Variants in SORD observed in about 807,000 individuals in gnomAD.
SORD encodes sorbitol dehydrogenase.
SORD carries 18 observed loss-of-function variants against 35.6 expected under a neutral mutation model. The observed-to-expected ratio is 0.51, with a 90% CI of 0.35 to 0.75. The LOEUF is 0.75. SORD is among the 30% of genes least tolerant of loss of function. SORD has a pLI of 0.01. For missense variants in SORD, 250 were observed against 390.2 expected (o/e 0.64, Z 3.03); for synonymous variants, 106 against 152.9 (o/e 0.69, Z 2.26).
chr15:45,059,354 G>C (rs912050411), intron 3 of SORD, among the ~76,000 whole-genome samples: 27 of 150,242 alleles, frequency 1.8e-4, no homozygotes, highest in African/African-American at 6.6e-4. Context: ...AAAAACCAAA[G>C]AAACATGCAC....
intron 1 of SORD, chr15:45,036,369 T>G: frequency 2.2e-6 from 1 of 455,942 alleles, no homozygotes; most frequent in South Asian, 1.5e-5. Flanking sequence ...CTCAATTCCT[T>G]TTAGTCCTCT....
At chr15:45,056,129 G>C (rs1017382073) in intron 3 of SORD, among the ~76,000 whole-genome samples, 4 of 149,706 alleles carry the variant, frequency 2.7e-5, no homozygotes, top group Non-Finnish European at 4.5e-5. Context: ...AGTGTTGGAA[G>C]TTCTGGCCAG....
intron 3 of SORD, chr15:45,050,447 C>G (rs982702918): frequency 1.3e-5 from 2 of 152,224 alleles, no homozygotes; most frequent in Non-Finnish European, 2.9e-5. Flanking sequence ...GGGCAAATTC[C>G]TCTCTTCTTG....
rs373690421 is a variant in SORD, at chr15:45,068,188, C to T, written c.552C>T (p.Ile184=). 4.6e-5 allele frequency: 75 copies of T among 1,613,262 alleles called. 1 individual carries two copies. In the East Asian group the frequency reaches 9.1e-4, roughly 20 times the overall value. The change falls in exon 6 of 9, where the codon ATC becomes ATT. Residue 184 remains isoleucine, a synonymous_variant. Coordinates refer to ENST00000267814, the MANE Select transcript of SORD (RefSeq NM_003104.6). ...HKVLVCGAGP[I]GMVTLLVAKA... ...ATCTTCTGCTTTGTTTAGGGCCAAT[C>T]GGGATGGTCACTTTGCTCGTGGCCA...
At chr15:45,027,950 A>G (rs1351734587) in intron 1 of SORD, among the ~76,000 whole-genome samples, 1 of 152,260 alleles carries the variant, frequency 6.6e-6, no homozygotes, top group African/African-American at 2.4e-5. Context: ...ACTGTCCACA[A>G]TGAAGGGCCA....
rs138425657 is a variant in SORD, at chr15:45,052,943, T to C, written c.266-8124T>C. Among the ~76,000 whole-genome samples, 14 of 152,306 alleles carry C rather than the reference T, an allele frequency of 9.2e-5. No homozygotes were observed. In the East Asian group the frequency reaches 2.7e-3, roughly 29 times the overall value. On this transcript the variant is annotated intron_variant, in intron 3 of 8. Coordinates refer to ENST00000267814, the MANE Select transcript of SORD (RefSeq NM_003104.6). ...GCTTATAAAAATGTTGTAGGTCATC[T>C]TGGGGGGTCATCTCAAGTATTGAAC...
At chr15:45,060,350 A>C (rs1367491403) in intron 3 of SORD, among the ~76,000 whole-genome samples, 1 of 152,204 alleles carries the variant, frequency 6.6e-6, no homozygotes, top group African/African-American at 2.4e-5. Flanking sequence ...TCTTCATAAT[A>C]AAAAGATAGA....
At chr15:45,065,932 AC>A (rs1437537323) in intron 5 of SORD, among the ~76,000 whole-genome samples, 1 of 151,464 alleles carries the variant, frequency 6.6e-6, no homozygotes, top group South Asian at 2.1e-4. Context: ...AAAAAACAAG[AC>A]CCCATCTCAA....
At chr15:45,056,973 A>C (rs1893228189) in intron 3 of SORD, among the ~76,000 whole-genome samples, 1 of 152,108 alleles carries the variant, frequency 6.6e-6, no homozygotes, top group African/African-American at 2.4e-5. Context: ...TCTGTGGAAT[A>C]CTCAATCTCA....
intron 3 of SORD, among the ~76,000 whole-genome samples, chr15:45,051,069 A>G (rs1318559867): frequency 2.6e-5 from 4 of 152,234 alleles, no homozygotes; most frequent in Non-Finnish European, 5.9e-5. Flanking sequence ...GAGAGCACCT[A>G]TCAAAGTCCT....
intron 1 of SORD, among the ~76,000 whole-genome samples, chr15:45,032,154 G>T (rs1892797075): frequency 1.5e-5 from 2 of 134,590 alleles, no homozygotes; most frequent in Non-Finnish European, 3.2e-5. Context: ...TGCTGAGGGG[G>T]TAAAATGGGC....
At chr15:45,053,535 C>G (rs554166965) in intron 3 of SORD, among the ~76,000 whole-genome samples, 2 of 152,306 alleles carry the variant, frequency 1.3e-5, no homozygotes, top group South Asian at 4.1e-4. Flanking sequence ...AAAATTTACA[C>G]AGTAGACCAT....
At chr15:45,052,463 C>T (rs146884068) in intron 3 of SORD, among the ~76,000 whole-genome samples, 1 of 152,112 alleles carries the variant, frequency 6.6e-6, no homozygotes, top group East Asian at 1.9e-4. Flanking sequence ...GAACTAGAGG[C>T]CTTGGACAAA....
At chr15:45,041,373 C>T (rs1892963343) in intron 2 of SORD, among the ~76,000 whole-genome samples, 1 of 151,968 alleles carries the variant, frequency 6.6e-6, no homozygotes, top group Admixed American at 6.5e-5. Flanking sequence ...ACTCACCCTC[C>T]CCCTCTCACA....
intron 7 of SORD, chr15:45,070,058 A>T (rs1346904247): frequency 2.0e-5 from 3 of 152,114 alleles, no homozygotes; most frequent in Admixed American, 2.0e-4. Context: ...CTTTATAAAC[A>T]TGAGGCCTAA....
intron 5 of SORD, among the ~76,000 whole-genome samples, chr15:45,066,523 G>A (rs112872520): frequency 0.013 from 1,915 of 152,216 alleles, 40 homozygotes; most frequent in African/African-American, 0.043. Context: ...CCAGTGGGAG[G>A]AGTGAGCAGT....
At chr15:45,072,705 C>T (rs112412350) in intron 8 of SORD, among the ~76,000 whole-genome samples, 4,096 of 134,594 alleles carry the variant, frequency 0.03, 399 homozygotes, top group African/African-American at 0.11. Flanking sequence ...TTATCCCCCC[C>T]AGGCCCCTTT....
chr15:45,036,464 G>A (rs1353396132), intron 1 of SORD: 1 of 408,848 alleles, frequency 2.4e-6, no homozygotes, highest in African/African-American at 2.1e-5. Flanking sequence ...GGCAGAGGCA[G>A]GCAGATCAAT....
At chr15:45,050,233 C>A (rs992749690) in intron 3 of SORD, among the ~76,000 whole-genome samples, 2 of 152,172 alleles carry the variant, frequency 1.3e-5, no homozygotes, top group African/African-American at 4.8e-5. Flanking sequence ...AGGCACCCAC[C>A]ACCAGCCCTG....
Sources: gnomAD v4.1 joint callset for allele counts (sites outside exome capture counted in the v4.1 genomes callset) on GRCh38, gnomAD v4.1.1 for gene constraint, MANE v1.5 for transcripts, NCBI Gene and HGNC (gene_info 2026-07-23, HGNC 2026-07-21) for gene names.